Variants in FCHO2 observed in about 807,000 individuals in gnomAD.
FCHO2 encodes the protein FCH and mu domain containing endocytic adaptor 2.
FCHO2 carries 43 observed loss-of-function variants against 114.1 expected under a neutral mutation model. The observed-to-expected ratio is 0.38, with a 90% CI of 0.30 to 0.49. The LOEUF is 0.49. FCHO2 is among the 20% of genes least tolerant of loss of function. The probability of loss-of-function intolerance (pLI) is 0.97; values close to 1 mark genes in which losing one functional copy is unlikely to be tolerated. For missense variants in FCHO2, 807 were observed against 950.4 expected, an observed-to-expected ratio of 0.85 and a Z score of 1.98; for synonymous variants, 293 against 315.2, an observed-to-expected ratio of 0.93 and a Z score of 0.75.
chr5:73,049,479 G>A (rs1757242489), intron 11 of FCHO2, among the ~76,000 whole-genome samples: 1 of 151,984 alleles, frequency 6.6e-6, no homozygotes, highest in Admixed American at 6.6e-5. Context: ...TTGACTCTTA[G>A]AGTACCTTGT....
At chr5:73,025,350 T>TGGGGC (rs1234414466) in intron 8 of FCHO2, among the ~76,000 whole-genome samples, 1 of 150,200 alleles carries the variant, frequency 6.7e-6, no homozygotes, top group Admixed American at 6.6e-5. Context: ...CTGGGATTGA[T>TGGGGC]GGGGCCCACC....
chr5:72,995,665 GC>G (rs1754052398), intron 5 of FCHO2, among the ~76,000 whole-genome samples: 3 of 152,146 alleles, frequency 2.0e-5, no homozygotes, highest in Non-Finnish European at 4.4e-5. Flanking sequence ...TGGGGAGTCT[GC>G]CGAATTCTCA....
intron 1 of FCHO2, among the ~76,000 whole-genome samples, chr5:72,960,327 C>A (rs1751787176): frequency 6.6e-6 from 1 of 152,002 alleles, no homozygotes; most frequent in African/African-American, 2.4e-5. Flanking sequence ...TTATTCAAAA[C>A]CTTTTACAGA....
chr5:73,017,745 A>C (rs1014532673), intron 8 of FCHO2, among the ~76,000 whole-genome samples: 3 of 152,088 alleles, frequency 2.0e-5, no homozygotes, highest in African/African-American at 7.2e-5. Context: ...AAATTTAATA[A>C]CTTCTTTCTT....
Position 73,088,247 on chromosome 5 carries a change from C to A in FCHO2, c.*157C>A. 1.2e-6 allele frequency: 1 copy of A among 863,468 alleles called. No homozygotes were observed. Among genetic ancestry groups the A allele is most frequent in the South Asian group, 1.7e-5 (1 of 59,996 alleles). The allele number at this position is 863,468 out of a possible 1,614,324, so 53.5% of individuals were successfully genotyped here. A position where few individuals can be genotyped will look rare whatever the true frequency, so the allele number is the denominator to read the frequency against. On this transcript the variant is annotated 3_prime_UTR_variant, in exon 26 of 26. Transcript: ENST00000430046. ...ATTAAATCGCACTTTTAAAGTGAGT[C>A]ATTGAAATAAATAGTACTGAAATGA...
chr5:73,075,868 A>G (rs1032538589), intron 20 of FCHO2, among the ~76,000 whole-genome samples: 25 of 151,576 alleles, frequency 1.6e-4, no homozygotes, highest in African/African-American at 6.1e-4. Context: ...GAAATGTTGA[A>G]TTGATACTTG....
At chr5:72,962,197 AT>A (rs1185536753) in intron 1 of FCHO2, among the ~76,000 whole-genome samples, 2 of 152,120 alleles carry the variant, frequency 1.3e-5, no homozygotes, top group African/African-American at 4.8e-5. Context: ...GGAAGTGAAA[AT>A]TGGTACTGAT....
chr5:73,002,585 G>A (rs956576415), intron 5 of FCHO2, among the ~76,000 whole-genome samples: 1 of 152,106 alleles, frequency 6.6e-6, no homozygotes, highest in Non-Finnish European at 1.5e-5. Context: ...ATTAGTTTGA[G>A]TTTATTTTAG....
At chr5:73,039,854 G>A (rs1337096669) in intron 10 of FCHO2, among the ~76,000 whole-genome samples, 2 of 151,620 alleles carry the variant, frequency 1.3e-5, no homozygotes, top group Non-Finnish European at 2.9e-5. Flanking sequence ...CTTGAACCTG[G>A]AAGGCCGAAG....
rs568000202 is a variant in FCHO2 at position 72,956,259 on chromosome 5, G to A, written c.33+130G>A. 35 of 1,265,336 alleles carry A rather than the reference G, an allele frequency of 2.8e-5. No individual in the cohort carries two copies. In the South Asian group the frequency reaches 5.1e-4, roughly 18 times the overall value. 78.4% of individuals were successfully genotyped at this position (1,265,336 alleles called of 1,614,324 possible). On this transcript the variant is annotated intron_variant, in intron 1 of 25. Transcript: ENST00000430046. Reference sequence around the variant, plus strand: ...GGCGAGCGTCCTCCTGCCGCGTCCCGCCTGGGTGAGGTCCGGCGGGCGACC... The same window carrying A: ...GGCGAGCGTCCTCCTGCCGCGTCCCACCTGGGTGAGGTCCGGCGGGCGACC...
chr5:73,017,871 T>C (rs914036063), intron 8 of FCHO2, among the ~76,000 whole-genome samples: 2 of 152,136 alleles, frequency 1.3e-5, no homozygotes, highest in African/African-American at 4.8e-5. Context: ...GAATCCTGGC[T>C]CCTATTTTTA....
chr5:73,086,583 CTT>C (rs1331885759), intron 24 of FCHO2, among the ~76,000 whole-genome samples: 2 of 152,134 alleles, frequency 1.3e-5, no homozygotes, highest in African/African-American at 4.8e-5. Context: ...AATATCTTTC[CTT>C]TTTATTAGCC....
chr5:73,072,787 C>T (rs1456300828), intron 19 of FCHO2, among the ~76,000 whole-genome samples: 4 of 151,842 alleles, frequency 2.6e-5, no homozygotes, highest in Admixed American at 6.6e-5. Flanking sequence ...ATAAGACGAA[C>T]AGAGTTATGG....
At chr5:73,011,443 TTC>T (rs1755006406) in intron 6 of FCHO2, among the ~76,000 whole-genome samples, 1 of 151,742 alleles carries the variant, frequency 6.6e-6, no homozygotes, top group African/African-American at 2.4e-5. Flanking sequence ...TCAGCTTTTT[TTC>T]TGTTTTAAAA....
intron 19 of FCHO2, 118 bp from the exon 20 acceptor site, chr5:73,074,624 C>A: frequency 2.5e-6 from 2 of 814,658 alleles, no homozygotes; most frequent in Non-Finnish European, 2.0e-6. Context: ...TATCATGGGA[C>A]ATCACTGAAA....
At position 73,058,515 on chromosome 5, in the gene FCHO2, T is replaced by C; in HGVS notation, c.1336T>C (p.Ser446Pro). 1 of 1,343,840 alleles carries C rather than the reference T, an allele frequency of 7.4e-7. No individual in the cohort carries two copies. The highest frequency in any genetic ancestry group is 1.0e-6 in the Non-Finnish European group (1 of 958,694). 83.2% of individuals were successfully genotyped at this position (1,343,840 alleles called of 1,614,324 possible). The change falls in exon 17 of 26, where the codon TCA becomes CCA. Residue 446 changes from serine (S) to proline (P), a missense_variant. Physicochemically the swap from Ser to Pro is moderately conservative, Grantham distance 74 (BLOSUM62 -1). Coordinates refer to ENST00000430046, the MANE Select transcript of FCHO2 (RefSeq NM_138782.3). ...DSSSSSSLTS[S>P]SSARPTTPLS... ...ATCTTCTTCATCTTCACTAACTTCA[T>C]CATCATCAGGTAAATATATATATGT...
At position 73,053,319 on chromosome 5, in the gene FCHO2, A is replaced by G. The variant is rs1044391366; in HGVS notation, c.1173+812A>G. 8.5e-5 allele frequency among the ~76,000 whole-genome samples: 13 copies of G among 152,314 alleles called. No homozygotes were observed. The East Asian group carries it at 2.5e-3, about 29-fold the overall frequency. On this transcript the variant is annotated intron_variant, in intron 13 of 25. Transcript: ENST00000430046. ...TTTCAGAACTATTTTCTTCCTACCA[A>G]AAATATTTCTGAAATGAGGTTTTAT...
chr5:72,983,638 C>G lies in FCHO2; in HGVS notation c.126-5789C>G, dbSNP rs536605968. On this transcript the variant is annotated intron_variant, in intron 2 of 25. Coordinates refer to ENST00000430046, the MANE Select transcript of FCHO2 (RefSeq NM_138782.3). ...TCCTGTGCTCAAATGATCTGCCCACCTCTGCATCCCAAAGTGCCGGGATTT... is the reference window on the plus strand; with the variant it reads ...TCCTGTGCTCAAATGATCTGCCCACGTCTGCATCCCAAAGTGCCGGGATTT... Among the ~76,000 whole-genome samples, 12 of 150,904 alleles carry G rather than the reference C, an allele frequency of 8.0e-5. No individual in the cohort carries two copies. The South Asian group carries it at 2.5e-3, about 32-fold the overall frequency.
At chr5:73,075,413 A>T (rs1201054198) in intron 20 of FCHO2, among the ~76,000 whole-genome samples, 1 of 152,154 alleles carries the variant, frequency 6.6e-6, no homozygotes, top group East Asian at 1.9e-4. Flanking sequence ...CATATTTGGT[A>T]TATTCAAGAA....
Sources: allele counts gnomAD v4.1 joint callset (sites outside exome capture counted in the v4.1 genomes callset), GRCh38; gene constraint gnomAD v4.1.1; transcripts MANE v1.5; gene names NCBI Gene and HGNC (gene_info 2026-07-23, HGNC 2026-07-21).